The following PLD1 variants were observed in gnomAD, a reference collection of about 807,000 sequenced individuals.
PLD1 encodes the protein phospholipase D1.
Under a neutral mutation model 137.1 loss-of-function variants are expected in PLD1, and 112 were observed. The ratio of observed to expected loss-of-function variants is 0.82; its 90% CI spans 0.70 to 0.96. The LOEUF is 0.96. Ranked by LOEUF, PLD1 falls within the 40% of genes least tolerant of loss-of-function variation. The pLI, the probability that PLD1 is intolerant of heterozygous loss-of-function variation, is 0.00. For missense variants in PLD1, 1,321 were observed against 1,342.0 expected, an observed-to-expected ratio of 0.98 and a Z score of 0.24; for synonymous variants, 431 against 454.7, an observed-to-expected ratio of 0.95 and a Z score of 0.66.
chr3:171,762,946 AC>A (rs1453558733), intron 1 of PLD1, among the ~76,000 whole-genome samples: 1 of 152,220 alleles, frequency 6.6e-6, no homozygotes, highest in Non-Finnish European at 1.5e-5. Flanking sequence ...AAGCAATTTT[AC>A]TTCCTGATTA....
intron 8 of PLD1, among the ~76,000 whole-genome samples, chr3:171,720,293 CAAAAA>C: frequency 1.5e-5 from 1 of 67,912 alleles, no homozygotes; most frequent in South Asian, 6.2e-4. Flanking sequence ...GACCCTGTCT[CAAAAA>C]AAAAAAAAAA....
At chr3:171,723,556 C>T (rs2108236777) in intron 8 of PLD1, among the ~76,000 whole-genome samples, 1 of 152,278 alleles carries the variant, frequency 6.6e-6, no homozygotes, top group South Asian at 2.1e-4. Flanking sequence ...AAACTGTTCT[C>T]CGTAGTCGTC....
intron 24 of PLD1, among the ~76,000 whole-genome samples, chr3:171,614,242 T>A (rs1732907171): frequency 6.6e-6 from 1 of 152,164 alleles, no homozygotes; most frequent in Non-Finnish European, 1.5e-5. Context: ...TGCTGAAAAG[T>A]GGGAACCTTT....
At chr3:171,693,757 C>T (rs1715427343) in intron 12 of PLD1, among the ~76,000 whole-genome samples, 1 of 152,010 alleles carries the variant, frequency 6.6e-6, no homozygotes, top group African/African-American at 2.4e-5. Flanking sequence ...TAGAATATTA[C>T]AGATGCAGGT....
In PLD1 at chr3:171,688,875, A is replaced by G. The variant is rs1370611775; in HGVS notation, c.1340T>C (p.Val447Ala). 6.2e-7 allele frequency: 1 copy of G among 1,611,018 alleles called. No homozygotes were observed. Among genetic ancestry groups the G allele is most frequent in the Non-Finnish European group, 8.5e-7 (1 of 1,177,318 alleles). ...TLMRLHPNIK[V>A]MRHPDHVSST... ...TGACACATGATCCGGGTGTCTCATCACCTTGAGAGGGAATAATCCCCACTG... is the reference window on the plus strand; with the variant it reads ...TGACACATGATCCGGGTGTCTCATCGCCTTGAGAGGGAATAATCCCCACTG... Residue 447 changes from valine to alanine, a missense_variant and splice_region_variant, in exon 14 of 27, where the codon GTG (valine) becomes GCG (alanine). By Grantham distance (64) the Val-to-Ala change is moderately conservative. Transcript: ENST00000351298.
chr3:171,684,500 T>A (rs1714348864), intron 16 of PLD1, among the ~76,000 whole-genome samples: 2 of 152,174 alleles, frequency 1.3e-5, no homozygotes, highest in Admixed American at 6.5e-5. Context: ...GAGTTGTCCC[T>A]GAATCCACAC....
intron 25 of PLD1, among the ~76,000 whole-genome samples, chr3:171,611,045 C>A (rs925557192): frequency 2.0e-5 from 3 of 152,182 alleles, no homozygotes; most frequent in African/African-American, 7.2e-5. Flanking sequence ...GCAAGTGAGC[C>A]AGTTTCCAAA....
intron 21 of PLD1, among the ~76,000 whole-genome samples, chr3:171,645,883 C>CAAAAAAA (rs1162718346): frequency 5.1e-5 from 3 of 59,200 alleles, no homozygotes; most frequent in African/African-American, 1.7e-4. Context: ...GACTCCATCT[C>CAAAAAAA]AAAAAAAAAA....
At chr3:171,629,611 T>C (rs1471616125) in intron 23 of PLD1, among the ~76,000 whole-genome samples, 6 of 152,092 alleles carry the variant, frequency 3.9e-5, no homozygotes, top group Middle Eastern at 3.4e-3. Context: ...GACTTCAAAC[T>C]ATACTACAAG....
At chr3:171,671,331 C>A (rs775488224) in intron 19 of PLD1, among the ~76,000 whole-genome samples, 3 of 152,170 alleles carry the variant, frequency 2.0e-5, no homozygotes, top group Non-Finnish European at 2.9e-5. Context: ...AGTGCCCTGG[C>A]CCATCAGTCA....
At chr3:171,642,768 AAC>A (rs1248331711) in intron 23 of PLD1, 70 bp downstream of exon 23, 2 of 823,060 alleles carry the variant, frequency 2.4e-6, no homozygotes, top group Non-Finnish European at 4.0e-6. Context: ...ACACTGTGAA[AAC>A]ATTAATGATT....
At chr3:171,804,384 G>A (rs148503778) in intron 1 of PLD1, among the ~76,000 whole-genome samples, 17 of 152,220 alleles carry the variant, frequency 1.1e-4, no homozygotes, top group East Asian at 7.7e-4. Context: ...TAAGTAAAAC[G>A]TTAATTATAA....
chr3:171,779,400 C>T (rs961688623), intron 1 of PLD1, among the ~76,000 whole-genome samples: 1 of 152,046 alleles, frequency 6.6e-6, no homozygotes, highest in Non-Finnish European at 1.5e-5. Context: ...CTCTAAGACT[C>T]ATATGAGTAA....
chr3:171,771,648 C>T (rs573900928), intron 1 of PLD1, among the ~76,000 whole-genome samples: 3 of 152,316 alleles, frequency 2.0e-5, no homozygotes, highest in African/African-American at 7.2e-5. Context: ...TACAGTCTGC[C>T]CTCCATTAGG....
At chr3:171,772,584 G>GA (rs1305953803) in intron 1 of PLD1, among the ~76,000 whole-genome samples, 1 of 151,932 alleles carries the variant, frequency 6.6e-6, no homozygotes, top group Non-Finnish European at 1.5e-5. Context: ...TTTTCTCAGG[G>GA]AAAAAAGAAA....
chr3:171,630,893 G>A (rs111457932), intron 23 of PLD1, among the ~76,000 whole-genome samples: 3,891 of 148,802 alleles, frequency 0.026, 132 homozygotes, highest in African/African-American at 0.074. Context: ...AGGGATAGCC[G>A]TGGGAGATAT....
In PLD1 at chr3:171,722,658, C is replaced by T. The variant is rs543806170; in HGVS notation, c.758+2038G>A. Among the ~76,000 whole-genome samples the T allele has an allele frequency of 2.0e-5, 3 of 152,246 alleles. No homozygotes were observed. In the East Asian group the frequency reaches 5.8e-4, roughly 29 times the overall value. On this transcript the variant is annotated intron_variant, in intron 8 of 26. Coordinates refer to ENST00000351298, the MANE Select transcript of PLD1 (RefSeq NM_002662.5). ...GTAGCATGTATCAGAACTTCATATCCTTTTCCATTTAATTTTTAGATTTTT... is the reference window on the plus strand; with the variant it reads ...GTAGCATGTATCAGAACTTCATATCTTTTTCCATTTAATTTTTAGATTTTT...
chr3:171,636,801 G>A (rs1010680680), intron 23 of PLD1, among the ~76,000 whole-genome samples: 3 of 152,064 alleles, frequency 2.0e-5, no homozygotes. Context: ...CCAGTACGAT[G>A]TTGACAAAAG....
chr3:171,795,664 C>T (rs1227440776), intron 1 of PLD1, among the ~76,000 whole-genome samples: 1 of 152,214 alleles, frequency 6.6e-6, no homozygotes, highest in Admixed American at 6.5e-5. Context: ...TTTCCTAGCA[C>T]ATCACACCCA....
Sources: allele counts gnomAD v4.1 joint callset (sites outside exome capture counted in the v4.1 genomes callset), GRCh38; gene constraint gnomAD v4.1.1; transcripts MANE v1.5; gene names NCBI Gene and HGNC (gene_info 2026-07-23, HGNC 2026-07-21).